The following TSPOAP1 variants were observed in gnomAD, a reference collection of about 807,000 sequenced individuals.
TSPOAP1 encodes TSPO associated protein 1.
A neutral mutation model predicts 197.0 loss-of-function variants in TSPOAP1; 87 were observed. That is an observed-to-expected ratio of 0.44 (90% CI 0.37 to 0.53). TSPOAP1 has a LOEUF of 0.53. TSPOAP1 is among the 20% of genes least tolerant of loss of function. TSPOAP1 has a pLI of 0.00. For synonymous variants in TSPOAP1, 913 were observed against 998.9 expected (o/e 0.91, Z 1.62); for missense variants, 2,174 against 2,411.3 (o/e 0.90, Z 2.06).
chr17:58,310,179 C>A, intron 20 of TSPOAP1, 21 bp from the exon 21 acceptor site: 1 of 1,606,580 alleles, frequency 6.2e-7, no homozygotes. Context: ...TGAGGCAAGG[C>A]AGGAGAGATA....
At chr17:58,316,216 A>G in intron 15 of TSPOAP1, 84 bp from the exon 16 acceptor site, 5 of 1,262,618 alleles carry the variant, frequency 4.0e-6, no homozygotes, top group Non-Finnish European at 5.8e-6. Flanking sequence ...CACTGCACTG[A>G]GCCTTTACGG....
chr17:58,310,464 A>T (rs1971044946), intron 20 of TSPOAP1, 48 bp downstream of exon 20: 3 of 1,598,066 alleles, frequency 1.9e-6, no homozygotes, highest in Non-Finnish European at 2.6e-6. Context: ...AGGTAGGGAG[A>T]CAGGCCTCAA....
rs201273581 is a variant in TSPOAP1 at position 58,327,698 on chromosome 17, T to C, written c.223A>G (p.Thr75Ala). ...CAAGCCTCTGCTCCTTCAGGGTCAG[T>C]TCCCCCCACGGGCCTGGAGCTCCCG... ...GDGSSRPVGGTDPEGAEACLP... is the reference protein window; with the variant it reads ...GDGSSRPVGGADPEGAEACLP... Residue 75 changes from threonine (T) to alanine (A), a missense_variant, in exon 1 of 32, where the codon ACT becomes GCT. Physicochemically the swap from Thr to Ala is moderately conservative, Grantham distance 58. Transcript: ENST00000343736. The C allele has an allele frequency of 3.1e-6, 5 of 1,614,006 alleles. No homozygotes were observed. In the African/African-American group the frequency reaches 4.0e-5, roughly 13 times the overall value.
Position 58,322,449 on chromosome 17 carries a change from A to G in TSPOAP1, c.1318-37T>C, listed in dbSNP as rs1971431313. 13 of 1,597,002 alleles carry G rather than the reference A, an allele frequency of 8.1e-6. No individual in the cohort carries two copies. In the East Asian group the frequency reaches 2.9e-4, roughly 36 times the overall value. On this transcript the variant is annotated intron_variant, in intron 9 of 31. Coordinates refer to ENST00000343736, the MANE Select transcript of TSPOAP1 (RefSeq NM_004758.4). This position sits in a 1 kb window ranked among gnomAD's most constrained non-coding sequence, Gnocchi z 5.0. ...GATCTGAGTCAAGGCCAGAGCCCCT[A>G]CTTGGCCATTTCTAGAGAAGATCTA... is the stretch of plus-strand genomic sequence containing the variant.
At chr17:58,327,546 G>T (rs757603767) in intron 1 of TSPOAP1, 42 bp downstream of exon 1, 2 of 1,574,534 alleles carry the variant, frequency 1.3e-6, no homozygotes, top group South Asian at 2.3e-5. Flanking sequence ...CATGGTGAGA[G>T]ACCCCCACCT....
chr17:58,304,484 G>A lies in TSPOAP1; in HGVS notation c.5545-85C>T. ...CGGCCACCAGGTGGCCCTGCGCAGG[G>A]GTGGGCCCTACTCTCCAAGGCCTTT... is the stretch of plus-strand genomic sequence containing the variant. On this transcript the variant is annotated intron_variant, in intron 30 of 31. Transcript: ENST00000343736. This position sits in a 1 kb window ranked among gnomAD's most constrained non-coding sequence, Gnocchi z 4.2. The A allele has an allele frequency of 9.0e-7, 1 of 1,117,086 alleles. No individual in the cohort carries two copies. The highest frequency in any genetic ancestry group is 1.4e-6 in the Non-Finnish European group (1 of 728,446). The allele number at this position is 1,117,086 out of a possible 1,614,324, so 69.2% of individuals were successfully genotyped here. A position where few individuals can be genotyped will look rare whatever the true frequency, so the allele number is the denominator to read the frequency against.
Position 58,310,551 on chromosome 17 carries a change from T to C in TSPOAP1, c.3660A>G (p.Gln1220=). 1 of 1,613,460 alleles carries C rather than the reference T, an allele frequency of 6.2e-7. No individual in the cohort carries two copies. The highest frequency in any genetic ancestry group is 1.1e-5 in the South Asian group (1 of 91,076). The stretch of plus-strand genomic sequence containing the variant: ...TCAGCCCAGACCCTGGGTCTCCTCC[T>C]TGGCACATCTCGGTATTTGGCGCCT... ...AQQAPNTEMC[Q]GGDPGSGLRP... is the part of the protein sequence containing the mutation. The change falls in exon 20 of 32, where the codon CAA becomes CAG. Residue 1220 remains glutamine, a synonymous_variant. Transcript: ENST00000343736.
chr17:58,311,342 C>T (rs1486582319), intron 18 of TSPOAP1, 129 bp from the exon 19 acceptor site: 5 of 1,368,224 alleles, frequency 3.7e-6, no homozygotes, highest in Admixed American at 4.9e-5. Context: ...TGTGCTAAGC[C>T]CTCTGCATGG....
In TSPOAP1 at chr17:58,316,135, G is replaced by A. The variant is rs1971225144; in HGVS notation, c.1989-3C>T. 1.2e-6 allele frequency: 2 copies of A among 1,609,592 alleles called. No homozygotes were observed. Among genetic ancestry groups the A allele is most frequent in the Admixed American group, 1.7e-5 (1 of 60,004 alleles). On this transcript the variant is annotated splice_polypyrimidine_tract_variant and splice_region_variant and intron_variant, in intron 15 of 31. Coordinates refer to ENST00000343736, the MANE Select transcript of TSPOAP1 (RefSeq NM_004758.4). ...TGGGACCCTCAAAGGGGTTGTAGCT[G>A]TTAGGGGAGGCACAGAGGAGGAGGA...
rs1185926009 is a variant in TSPOAP1 at position 58,308,907 on chromosome 17, A to C, written c.4365T>G (p.Ile1455Met). ...PTRERGGLPV[I>M]EGPRTGLEAS... ...CCTCTAGTCCAGTCCTGGGGCCCTC[A>C]ATTACGGGGAGGCCACCCCTCTCCC... The change falls in exon 22 of 32, where the codon ATT (isoleucine) becomes ATG (methionine). Residue 1455 changes from isoleucine (I) to methionine (M), a missense_variant. This residue lies in a region of TSPOAP1 where 1,933 missense variants were observed against 2,139.0 expected (regional missense o/e 0.90). Coordinates refer to ENST00000343736, the MANE Select transcript of TSPOAP1 (RefSeq NM_004758.4). The C allele has an allele frequency of 6.3e-6, 10 of 1,595,800 alleles. No individual in the cohort carries two copies. The highest frequency in any genetic ancestry group is 8.5e-6 in the Non-Finnish European group (10 of 1,170,730).
At chr17:58,311,327 G>A in intron 18 of TSPOAP1, 114 bp from the exon 19 acceptor site, 1 of 1,443,652 alleles carries the variant, frequency 6.9e-7, no homozygotes, top group Non-Finnish European at 9.4e-7. Flanking sequence ...CATTACGCCA[G>A]GTACTGTGCT....
chr17:58,320,539 G>C lies in TSPOAP1; in HGVS notation c.1465C>G (p.Leu489Val). 6.6e-7 allele frequency: 1 copy of C among 1,510,810 alleles called. No individual in the cohort carries two copies. Among genetic ancestry groups the C allele is most frequent in the Non-Finnish European group, 8.8e-7 (1 of 1,131,424 alleles). 93.6% of individuals were successfully genotyped at this position (1,510,810 alleles called of 1,614,324 possible). ...ACTTCCAGGCGCCCTACCTCCAGCA[G>C]CTGCACGGCTCCTTCATGTTCCCTC... ...AQREHEGAVQ[L>V]LESTLDSMQA... The change falls in exon 11 of 32, where the codon CTG becomes GTG. Residue 489 changes from leucine to valine, a missense_variant. Coordinates refer to ENST00000343736, the MANE Select transcript of TSPOAP1 (RefSeq NM_004758.4).
intron 28 of TSPOAP1, 28 bp from the exon 29 acceptor site, chr17:58,305,486 G>T (rs1251661988): frequency 6.2e-7 from 1 of 1,613,140 alleles, no homozygotes; most frequent in Non-Finnish European, 8.5e-7. Flanking sequence ...AGGGCATCAG[G>T]CCCAGGAAGG....
Position 58,322,589 on chromosome 17 carries a change from C to G in TSPOAP1, c.1317+65G>C, listed in dbSNP as rs1971433993. 6.3e-7 allele frequency: 1 copy of G among 1,593,232 alleles called. No individual in the cohort carries two copies. The highest frequency in any genetic ancestry group is 1.7e-5 in the Admixed American group (1 of 59,716). ...GCTAGTGCCCCTCACTAAGAATATT[C>G]TGCTGTCCCACTTGCTCCCCATGCC... is the stretch of plus-strand genomic sequence containing the variant. On this transcript the variant is annotated intron_variant, in intron 9 of 31. Coordinates refer to ENST00000343736, the MANE Select transcript of TSPOAP1 (RefSeq NM_004758.4). The surrounding 1 kb of genome is among the most constrained non-coding windows in gnomAD (Gnocchi z 5.0).
At position 58,326,089 on chromosome 17, in the gene TSPOAP1, T is replaced by C. The variant is rs1971589994; in HGVS notation, c.570+204A>G. On this transcript the variant is annotated intron_variant, in intron 3 of 31. Coordinates refer to ENST00000343736, the MANE Select transcript of TSPOAP1 (RefSeq NM_004758.4). The surrounding 1 kb of genome is among the most constrained non-coding windows in gnomAD (Gnocchi z 4.7). ...CTCAGGAACCTCCCCATCCAGCTCT[T>C]CTCTGCCCCCTGCAGCTCCAGAAAC... 6.6e-6 allele frequency among the ~76,000 whole-genome samples: 1 copy of C among 152,112 alleles called. No individual in the cohort carries two copies. Among genetic ancestry groups the C allele is most frequent in the Non-Finnish European group, 1.5e-5 (1 of 68,012 alleles).
At chr17:58,319,675 C>T (rs972878842) in intron 12 of TSPOAP1, among the ~76,000 whole-genome samples, 1 of 152,276 alleles carries the variant, frequency 6.6e-6, no homozygotes, top group South Asian at 2.1e-4. Flanking sequence ...GCTCATCACC[C>T]TCCCACAATC....
In TSPOAP1 at chr17:58,327,679, T is replaced by G; in HGVS notation, c.242A>C (p.Glu81Ala). The change falls in exon 1 of 32, where the codon GAG becomes GCG. Residue 81 changes from glutamate to alanine, a missense_variant. Coordinates refer to ENST00000343736, the MANE Select transcript of TSPOAP1 (RefSeq NM_004758.4). Reference sequence around the variant, plus strand: ...CTGGCCCAGGCTGGGCAGACAAGCCTCTGCTCCTTCAGGGTCAGTTCCCCC... The same window carrying G: ...CTGGCCCAGGCTGGGCAGACAAGCCGCTGCTCCTTCAGGGTCAGTTCCCCC... ...PVGGTDPEGA[E>A]ACLPSLGQQA... is the part of the protein sequence containing the mutation. 6.2e-7 allele frequency: 1 copy of G among 1,613,896 alleles called. No individual in the cohort carries two copies. Among genetic ancestry groups the G allele is most frequent in the Non-Finnish European group, 8.5e-7 (1 of 1,180,040 alleles).
At chr17:58,310,239 C>T in intron 20 of TSPOAP1, 81 bp from the exon 21 acceptor site, 1 of 1,416,918 alleles carries the variant, frequency 7.1e-7, no homozygotes, top group Non-Finnish European at 9.6e-7. Flanking sequence ...GCCCCAGCCA[C>T]AGTAACAAGG....
Position 58,302,351 on chromosome 17 carries a change from G to A in TSPOAP1, c.*129C>T, listed in dbSNP as rs985886402. ...CCCCACACCTTCTCGCTTCTGCCCTGGGGCTCCCCACGTTCAATCCTGGGG... is the reference window on the plus strand; with the variant it reads ...CCCCACACCTTCTCGCTTCTGCCCTAGGGCTCCCCACGTTCAATCCTGGGG... On this transcript the variant is annotated 3_prime_UTR_variant, in exon 32 of 32. Transcript: ENST00000343736. 2.3e-6 allele frequency: 3 copies of A among 1,289,424 alleles called. No homozygotes were observed. The highest frequency in any genetic ancestry group is 3.0e-6 in the Non-Finnish European group (3 of 988,732). The allele number at this position is 1,289,424 out of a possible 1,614,324, so 79.9% of individuals were successfully genotyped here.
Sources: allele counts gnomAD v4.1 joint callset (sites outside exome capture counted in the v4.1 genomes callset), GRCh38; gene constraint gnomAD v4.1.1; regional missense constraint gnomAD v4.1.1; non-coding constraint Gnocchi (gnomAD v3.1); transcripts MANE v1.5; gene names NCBI Gene and HGNC (gene_info 2026-07-23, HGNC 2026-07-21).